The following SLC17A1 variants were observed in gnomAD, a reference collection of about 807,000 sequenced individuals.
SLC17A1 encodes the protein solute carrier family 17 member 1.
Under a neutral mutation model 53.5 loss-of-function variants are expected in SLC17A1, and 51 were observed. The ratio of observed to expected loss-of-function variants is 0.95; its 90% CI spans 0.76 to 1.20. The LOEUF (loss-of-function observed/expected upper bound fraction) is 1.20. Ranked by LOEUF, SLC17A1 falls within the 50% of genes most tolerant of loss-of-function variation. SLC17A1 has a pLI of 0.00. For missense variants in SLC17A1, 538 were observed against 568.2 expected (o/e 0.95, Z 0.54); for synonymous variants, 179 against 198.8 (o/e 0.90, Z 0.84).
chr6:25,747,388 T>C, the SLC17A1 span, among the ~76,000 whole-genome samples: 1 of 152,192 alleles, frequency 6.6e-6, no homozygotes, highest in African/African-American at 2.4e-5. Flanking sequence ...CTAGAAACAA[T>C]GAAAGGAGGC....
the SLC17A1 span, among the ~76,000 whole-genome samples, chr6:25,775,087 T>C: frequency 5.3e-5 from 8 of 152,134 alleles, no homozygotes; most frequent in African/African-American, 1.7e-4. Context: ...CCCAACACTT[T>C]GGGAGGATGA....
chr6:25,801,284 A>G (rs1244233236), intron 10 of SLC17A1, among the ~76,000 whole-genome samples: 1 of 152,214 alleles, frequency 6.6e-6, no homozygotes, highest in Non-Finnish European at 1.5e-5. Flanking sequence ...AGAAGGTGAT[A>G]TGTTTTGGTA....
At chr6:25,727,320 C>G in the SLC17A1 span, 1 of 1,548,790 alleles carries the variant, frequency 6.5e-7, no homozygotes, top group Non-Finnish European at 8.7e-7. Context: ...CATTTCTAAC[C>G]CAAAGGCTCT....
chr6:25,820,685 C>T (rs1764524488), intron 3 of SLC17A1, among the ~76,000 whole-genome samples: 1 of 151,898 alleles, frequency 6.6e-6, no homozygotes, highest in South Asian at 2.1e-4. Context: ...TCGAGACCAT[C>T]CTGGCTAACA....
the SLC17A1 span, among the ~76,000 whole-genome samples, chr6:25,725,541 C>T: frequency 3.3e-5 from 5 of 152,118 alleles, no homozygotes; most frequent in Non-Finnish European, 5.9e-5. Context: ...AAGATTACAC[C>T]TCTCCTGCTT....
chr6:25,769,921 T>A, the SLC17A1 span: 1 of 708,714 alleles, frequency 1.4e-6, no homozygotes, highest in Non-Finnish European at 2.4e-6. Flanking sequence ...TTAGGGTTTT[T>A]AAATACATGA....
chr6:25,734,269 C>T, the SLC17A1 span, among the ~76,000 whole-genome samples: 1 of 152,032 alleles, frequency 6.6e-6, no homozygotes, highest in African/African-American at 2.4e-5. Flanking sequence ...TTTAAGGTTA[C>T]AAGGACATAG....
the SLC17A1 span, among the ~76,000 whole-genome samples, chr6:25,733,827 T>A: frequency 5.6e-4 from 85 of 151,796 alleles, 1 homozygote; most frequent in East Asian, 0.015. Context: ...TGTGTGTGTG[T>A]GTGTGTGTGT....
the SLC17A1 span, among the ~76,000 whole-genome samples, chr6:25,755,092 AAG>A: frequency 7.0e-6 from 1 of 142,716 alleles, no homozygotes; most frequent in African/African-American, 2.5e-5. Flanking sequence ...CAGAGGAAGA[AAG>A]AGAGAGAGGA....
chr6:25,828,087 C>T (rs1443113302), intron 2 of SLC17A1, among the ~76,000 whole-genome samples: 1 of 152,126 alleles, frequency 6.6e-6, no homozygotes, highest in Non-Finnish European at 1.5e-5. Flanking sequence ...AAGTTATATG[C>T]CCCTAACACT....
intron 10 of SLC17A1, among the ~76,000 whole-genome samples, chr6:25,802,423 C>G (rs1763808381): frequency 6.6e-6 from 1 of 152,016 alleles, no homozygotes; most frequent in Non-Finnish European, 1.5e-5. Context: ...TATTTTTCCT[C>G]TCCATTTCTC....
chr6:25,781,698 A>AGAGGAG, downstream of SLC17A1, among the ~76,000 whole-genome samples: 1 of 152,064 alleles, frequency 6.6e-6, no homozygotes, highest in South Asian at 2.1e-4. Context: ...TGGGAGGGGG[A>AGAGGAG]GAGGAGGTGC....
the SLC17A1 span, chr6:25,770,816 T>C: frequency 1.2e-6 from 1 of 824,394 alleles, no homozygotes; most frequent in South Asian, 1.5e-5. Flanking sequence ...CCTAGATAGT[T>C]TGGCTTGAAA....
intron 10 of SLC17A1, among the ~76,000 whole-genome samples, chr6:25,802,438 T>G (rs1049588034): frequency 6.6e-6 from 1 of 152,190 alleles, no homozygotes. Context: ...TTTCTCTTCT[T>G]TTGTTCCTAT....
chr6:25,744,396 T>TAATCTC, the SLC17A1 span, among the ~76,000 whole-genome samples: 1 of 152,180 alleles, frequency 6.6e-6, no homozygotes. Flanking sequence ...CACTTAATCT[T>TAATCTC]AATCTCTATA....
At chr6:25,781,360 G>A (rs1763265424), downstream of SLC17A1, among the ~76,000 whole-genome samples, 1 of 151,620 alleles carries the variant, frequency 6.6e-6, no homozygotes. Context: ...AAGAGAGAAT[G>A]TTTCCAAAAA....
At chr6:25,803,654 T>G (rs549189484) in intron 10 of SLC17A1, among the ~76,000 whole-genome samples, 12 of 152,264 alleles carry the variant, frequency 7.9e-5, no homozygotes, top group African/African-American at 2.9e-4. Context: ...TGGTGAGATT[T>G]TGAGCTCAAA....
At chr6:25,804,787 G>A (rs367680709) in intron 10 of SLC17A1, among the ~76,000 whole-genome samples, 5 of 151,924 alleles carry the variant, frequency 3.3e-5, no homozygotes, top group East Asian at 3.8e-4. Context: ...AAAGACAAAG[G>A]AGGTCATTAT....
the SLC17A1 span, among the ~76,000 whole-genome samples, chr6:25,765,752 C>G: frequency 2.6e-5 from 4 of 152,076 alleles, no homozygotes; most frequent in African/African-American, 9.7e-5. Context: ...AAAATGAAAA[C>G]TAGTTAATTA....
Sources: gnomAD v4.1 joint callset for allele counts (sites outside exome capture counted in the v4.1 genomes callset) on GRCh38, gnomAD v4.1.1 for gene constraint, MANE v1.5 for transcripts, NCBI Gene and HGNC (gene_info 2026-07-23, HGNC 2026-07-21) for gene names.